The following DNAJC17 variants were observed in gnomAD, a reference collection of about 807,000 sequenced individuals.
DNAJC17 encodes dnaJ homolog subfamily C member 17.
In DNAJC17, 35 loss-of-function variants were observed where a neutral mutation model predicts 48.1. The observed-to-expected ratio is 0.73, with a 90% CI of 0.56 to 0.96. DNAJC17 has a LOEUF of 0.96. Among genes scored for constraint, DNAJC17 ranks in the 50% least tolerant of loss-of-function variants. The pLI is 0.00. For synonymous variants in DNAJC17, 117 were observed against 142.7 expected, an observed-to-expected ratio of 0.82 and a Z score of 1.28; for missense variants, 355 against 377.1, an observed-to-expected ratio of 0.94 and a Z score of 0.48.
intron 1 of DNAJC17, among the ~76,000 whole-genome samples, chr15:40,799,155 G>T (rs1295223957): frequency 6.7e-6 from 1 of 149,348 alleles, no homozygotes. Flanking sequence ...AACCCGGGAG[G>T]CAGAGCTTGC....
intron 6 of DNAJC17, 113 bp downstream of exon 6, chr15:40,776,083 G>C (rs976925351): frequency 1.1e-6 from 1 of 941,780 alleles, no homozygotes; most frequent in Non-Finnish European, 1.7e-6. Flanking sequence ...GGTGACCCCA[G>C]GGTTCCAGCA....
At chr15:40,776,453 CCT>C (rs1889324466) in intron 5 of DNAJC17, 87 bp downstream of exon 5, 1 of 1,532,146 alleles carries the variant, frequency 6.5e-7, no homozygotes, top group Non-Finnish European at 9.0e-7. Flanking sequence ...AAGAGCATGC[CCT>C]CTCTAGCCAC....
intron 8 of DNAJC17, 135 bp downstream of exon 8, chr15:40,774,896 C>A: frequency 1.1e-6 from 1 of 882,322 alleles, no homozygotes. Flanking sequence ...CTAAGACGTC[C>A]CATGGTCTAT....
At chr15:40,782,889 A>G (rs1422472696) in intron 1 of DNAJC17, among the ~76,000 whole-genome samples, 5 of 152,074 alleles carry the variant, frequency 3.3e-5, no homozygotes, top group African/African-American at 1.2e-4. Context: ...AGGCAGCAGG[A>G]ACCACCCAGG....
chr15:40,769,125 CCT>C lies in DNAJC17; in HGVS notation c.793-1065_793-1064del, dbSNP rs1025823274. On this transcript the variant is annotated intron_variant, in intron 10 of 10. Transcript: ENST00000220496. This position sits in a 1 kb window ranked among gnomAD's most constrained non-coding sequence, Gnocchi z 4.2. Reference sequence around the variant, plus strand: ...GGAAGTGTTACTCAGCCTGGGTTCCCCTGTTCCTCCCGATGGCTGCACCCCTC... The same window carrying C: ...GGAAGTGTTACTCAGCCTGGGTTCCCGTTCCTCCCGATGGCTGCACCCCTC... Among the ~76,000 whole-genome samples the C allele has an allele frequency of 6.6e-6, 1 of 152,210 alleles. No homozygotes were observed. The highest frequency in any genetic ancestry group is 2.4e-5 in the African/African-American group (1 of 41,452).
chr15:40,767,505 G>A lies in DNAJC17; in HGVS notation c.*435C>T. The A allele has an allele frequency of 1.2e-6, 1 of 839,516 alleles. No individual in the cohort carries two copies. Among genetic ancestry groups the A allele is most frequent in the Non-Finnish European group, 1.7e-6 (1 of 572,358 alleles). The allele number at this position is 839,516 out of a possible 1,614,324, so 52.0% of individuals were successfully genotyped here. A position where few individuals can be genotyped will look rare whatever the true frequency, so the allele number is the denominator to read the frequency against. Reference sequence around the variant, plus strand: ...CAAAGGGCAGTGAATGGCCTTCTCTGAAACCCTGCGTCAAGCAGTGGGAGA... The same window carrying A: ...CAAAGGGCAGTGAATGGCCTTCTCTAAAACCCTGCGTCAAGCAGTGGGAGA... On this transcript the variant is annotated 3_prime_UTR_variant, in exon 11 of 11. Transcript: ENST00000220496.
In DNAJC17 at chr15:40,767,208, C is replaced by CA. The variant is rs770711732; in HGVS notation, c.*731dup. 5.0e-5 allele frequency: 75 copies of CA among 1,488,656 alleles called. No homozygotes were observed. The highest frequency in any genetic ancestry group is 1.8e-4 in the Middle Eastern group (1 of 5,670). 92.2% of individuals were successfully genotyped at this position (1,488,656 alleles called of 1,614,324 possible). On this transcript the variant is annotated 3_prime_UTR_variant, in exon 11 of 11. Coordinates refer to ENST00000220496, the MANE Select transcript of DNAJC17 (RefSeq NM_018163.3). Reference sequence around the variant, plus strand: ...GCTGTGTGCCCCTCCTCACCCCCCCCATCCTGTCTCTTTGCAGTTATGAAT... The same window carrying CA: ...GCTGTGTGCCCCTCCTCACCCCCCCCAATCCTGTCTCTTTGCAGTTATGAAT...
At chr15:40,773,287 T>C (rs1264604245) in intron 10 of DNAJC17, among the ~76,000 whole-genome samples, 2 of 152,102 alleles carry the variant, frequency 1.3e-5, no homozygotes, top group East Asian at 3.9e-4. Context: ...GAGGAGATAT[T>C]GCCTCTTGAC....
intron 2 of DNAJC17, 125 bp from the exon 3 acceptor site, chr15:40,779,728 A>G: frequency 8.3e-7 from 1 of 1,200,202 alleles, no homozygotes. Context: ...ACATCAGCAG[A>G]TGACAGACCA....
At position 40,766,826 on chromosome 15, in the gene DNAJC17, G is replaced by A. The variant is rs900813979; in HGVS notation, c.*1114C>T. On this transcript the variant is annotated 3_prime_UTR_variant, in exon 11 of 11. Transcript: ENST00000220496. ...GAGTCTCTGTCGCCCAGGCTGGAGTGCGGTGGTGCAATCATGGCTCACTGC... is the reference window on the plus strand; with the variant it reads ...GAGTCTCTGTCGCCCAGGCTGGAGTACGGTGGTGCAATCATGGCTCACTGC... 53 of 157,250 alleles carry A rather than the reference G, an allele frequency of 3.4e-4. 1 individual carries two copies. Among genetic ancestry groups the A allele is most frequent in the Non-Finnish European group, 3.1e-4 (22 of 71,462 alleles). 9.7% of individuals were successfully genotyped at this position (157,250 alleles called of 1,614,324 possible).
chr15:40,774,461 A>G (rs1274513659), intron 8 of DNAJC17, 25 bp from the exon 9 acceptor site: 2 of 1,613,234 alleles, frequency 1.2e-6, no homozygotes, highest in African/African-American at 2.7e-5. Context: ...GGGTCCTAAT[A>G]AGCATGACTT....
chr15:40,774,410 A>C lies in DNAJC17; in HGVS notation c.627T>G (p.Leu209=), dbSNP rs763278115. 5 of 1,613,942 alleles carry C rather than the reference A, an allele frequency of 3.1e-6. No homozygotes were observed. The highest frequency in any genetic ancestry group is 3.4e-6 in the Non-Finnish European group (4 of 1,180,018). Reference sequence around the variant, plus strand: ...CAGCAGTGCCTGGCTTCTTACTGGAAAGCACCAGGTTGAGAACCTCACCAT... The same window carrying C: ...CAGCAGTGCCTGGCTTCTTACTGGACAGCACCAGGTTGAGAACCTCACCAT... ...QKYGEVLNLV[L]SSKKPGTAVV... The change falls in exon 9 of 11, where the codon CTT becomes CTG. Residue 209 remains leucine, a synonymous_variant. Coordinates refer to ENST00000220496, the MANE Select transcript of DNAJC17 (RefSeq NM_018163.3).
At chr15:40,774,182 A>T in intron 9 of DNAJC17, 174 bp downstream of exon 9, 2 of 714,218 alleles carry the variant, frequency 2.8e-6, no homozygotes, top group Non-Finnish European at 4.8e-6. Flanking sequence ...ATCCCTTCAC[A>T]CACGGTGCCT....
At chr15:40,779,408 G>A in intron 3 of DNAJC17, 98 bp from the exon 4 acceptor site, 2 of 1,554,252 alleles carry the variant, frequency 1.3e-6, no homozygotes, top group Admixed American at 3.4e-5. Flanking sequence ...CCATCAGAGT[G>A]GCAGCCTGGT....
At chr15:40,779,805 A>G in intron 2 of DNAJC17, 123 bp downstream of exon 2, 1 of 1,242,814 alleles carries the variant, frequency 8.0e-7, no homozygotes, top group Admixed American at 2.0e-5. Flanking sequence ...CCTGGGACCC[A>G]TTGCCTGGAG....
At chr15:40,773,971 T>G in intron 9 of DNAJC17, 134 bp from the exon 10 acceptor site, 1 of 779,442 alleles carries the variant, frequency 1.3e-6, no homozygotes, top group African/African-American at 1.8e-5. Flanking sequence ...AGCCTTCAAG[T>G]GATGGGTGTT....
At position 40,765,843 on chromosome 15, in the gene DNAJC17, T is replaced by C. The variant is rs773911586; in HGVS notation, c.*2097A>G. ...ACCTTGCAGGAGGTGGGCCCCACTA[T>C]GGTGGGCGATGAACAGTCGGATCCA... On this transcript the variant is annotated 3_prime_UTR_variant, in exon 11 of 11. Coordinates refer to ENST00000220496, the MANE Select transcript of DNAJC17 (RefSeq NM_018163.3). The C allele has an allele frequency of 2.5e-6, 4 of 1,575,670 alleles. No individual in the cohort carries two copies. The South Asian group carries it at 4.6e-5, about 18-fold the overall frequency.
chr15:40,776,820 T>G, intron 4 of DNAJC17, 193 bp from the exon 5 acceptor site: 1 of 586,020 alleles, frequency 1.7e-6, no homozygotes, highest in East Asian at 3.0e-5. Context: ...AAGTATGGGG[T>G]CTAGCAGAGT....
At chr15:40,806,220 C>CTT (rs34520548) in intron 1 of DNAJC17, among the ~76,000 whole-genome samples, 1,354 of 122,870 alleles carry the variant, frequency 0.011, 42 homozygotes, top group African/African-American at 0.038. Context: ...TTTTTTTTTC[C>CTT]TTTTTTTTTT....
Sources: allele counts gnomAD v4.1 joint callset (sites outside exome capture counted in the v4.1 genomes callset), GRCh38; gene constraint gnomAD v4.1.1; non-coding constraint Gnocchi (gnomAD v3.1); transcripts MANE v1.5; gene names NCBI Gene and HGNC (gene_info 2026-07-23, HGNC 2026-07-21).